DAPK1: variants seen among roughly 807,000 people sequenced by gnomAD.
DAPK1 encodes death-associated protein kinase 1.
In DAPK1, 56 loss-of-function variants were observed where a neutral mutation model predicts 144.9. The ratio of observed to expected loss-of-function variants is 0.39; its 90% CI spans 0.31 to 0.48. The LOEUF is 0.48. DAPK1 is among the 20% of genes least tolerant of loss of function. The pLI is 0.95. For synonymous variants in DAPK1, 690 were observed against 749.0 expected (o/e 0.92, Z 1.29); for missense variants, 1,454 against 1,875.4 (o/e 0.78, Z 4.15).
At chr9:87,645,527 G>A (rs759156778) in intron 11 of DAPK1, among the ~76,000 whole-genome samples, 1 of 152,182 alleles carries the variant, frequency 6.6e-6, no homozygotes, top group Non-Finnish European at 1.5e-5. Context: ...TATCCAGGAA[G>A]AGAGTCTGTG....
rs886144253 is a variant in DAPK1 at position 87,629,618 on chromosome 9, C to G, written c.285-8325C>G. On this transcript the variant is annotated intron_variant, in intron 3 of 25. Transcript: ENST00000408954. ...GTCTCAAACTTGGGGCCTCAAGCAA[C>G]CCCGCCTTGGCCTCCCGAAGTGTTG... 5.3e-5 allele frequency among the ~76,000 whole-genome samples: 8 copies of G among 152,104 alleles called. No homozygotes were observed. In the East Asian group the frequency reaches 1.5e-3, roughly 29 times the overall value.
In DAPK1 at chr9:87,564,796, TCTTAACACTGTTGCATTGGG is replaced by T. The variant is rs1415237862; in HGVS notation, c.63-40157_63-40138del. Among the ~76,000 whole-genome samples, 3 of 152,182 alleles carry T rather than the reference TCTTAACACTGTTGCATTGGG, an allele frequency of 2.0e-5. No individual in the cohort carries two copies. The East Asian group carries it at 5.8e-4, about 29-fold the overall frequency. ...CTAATCACCTCTTAACGGTCTCACC[TCTTAACACTGTTGCATTGGG>T]GATTAAATTTCTAACACATCAACTT... On this transcript the variant is annotated intron_variant, in intron 2 of 25. Coordinates refer to ENST00000408954, the MANE Select transcript of DAPK1 (RefSeq NM_004938.4).
At chr9:87,663,858 C>G (rs1291907568) in intron 18 of DAPK1, among the ~76,000 whole-genome samples, 1 of 152,144 alleles carries the variant, frequency 6.6e-6, no homozygotes, top group Non-Finnish European at 1.5e-5. Flanking sequence ...GTCTGTCACT[C>G]TGCCCAGGAT....
In DAPK1 at chr9:87,707,324, G is replaced by T. The variant is rs1269979523; in HGVS notation, c.4253G>T (p.Gly1418Val). The T allele has an allele frequency of 1.2e-6, 2 of 1,612,038 alleles. No homozygotes were observed. The highest frequency in any genetic ancestry group is 8.5e-7 in the Non-Finnish European group (1 of 1,178,744). The stretch of plus-strand genomic sequence containing the variant: ...GCCTATGCCTCGAGCTGCAACAGCG[G>T]CACCTCTTACAATTCCATTAGCTCT... The part of the protein sequence containing the change: ...QEAYASSCNS[G>V]TSYNSISSVV... The change falls in exon 26 of 26, where the codon GGC (glycine) becomes GTC (valine). Residue 1418 changes from glycine to valine, a missense_variant. Around this residue, in one of 2 missense-constraint regions of DAPK1, gnomAD observed 1,025 missense variants for 1,237.9 expected, o/e 0.83. Transcript: ENST00000408954. The surrounding 1 kb of genome is among the most constrained non-coding windows in gnomAD (Gnocchi z 4.0).
chr9:87,509,527 A>G (rs1157870496), intron 2 of DAPK1, among the ~76,000 whole-genome samples: 1 of 151,856 alleles, frequency 6.6e-6, no homozygotes, highest in Non-Finnish European at 1.5e-5. Flanking sequence ...CGCCCCGCTA[A>G]TTTTATATTT....
At chr9:87,643,288 C>A in intron 10 of DAPK1, 88 bp from the exon 11 acceptor site, 1 of 731,256 alleles carries the variant, frequency 1.4e-6, no homozygotes, top group Non-Finnish European at 2.2e-6. Flanking sequence ...ACTCATTTGA[C>A]AATTGTTACA....
At chr9:87,652,141 T>C (rs547861377) in intron 17 of DAPK1, among the ~76,000 whole-genome samples, 33 of 145,846 alleles carry the variant, frequency 2.3e-4, no homozygotes, top group African/African-American at 8.1e-4. Context: ...ATTCCCCCGA[T>C]CCTGGGTCCT....
intron 2 of DAPK1, among the ~76,000 whole-genome samples, chr9:87,544,622 T>C (rs974895815): frequency 2.4e-4 from 36 of 152,188 alleles, no homozygotes; most frequent in African/African-American, 8.2e-4. Flanking sequence ...TTTGTGATAT[T>C]TTTAGTGGCT....
intron 25 of DAPK1, among the ~76,000 whole-genome samples, chr9:87,703,715 A>G (rs923543293): frequency 1.3e-5 from 2 of 152,218 alleles, no homozygotes; most frequent in Admixed American, 6.5e-5. Context: ...CAGAGTAATC[A>G]TAATTAAAGA....
intron 18 of DAPK1, among the ~76,000 whole-genome samples, chr9:87,659,750 C>T (rs1035103963): frequency 5.9e-5 from 9 of 152,200 alleles, no homozygotes; most frequent in Non-Finnish European, 1.2e-4. Context: ...GCCCCTCCCA[C>T]GGTGCCCAGA....
At chr9:87,551,553 G>A (rs1253020034) in intron 2 of DAPK1, among the ~76,000 whole-genome samples, 1 of 152,188 alleles carries the variant, frequency 6.6e-6, no homozygotes, top group Non-Finnish European at 1.5e-5. Flanking sequence ...GTGGGGAGTT[G>A]GGGAGAAGGT....
At chr9:87,557,011 G>T (rs955250622) in intron 2 of DAPK1, among the ~76,000 whole-genome samples, 7 of 152,074 alleles carry the variant, frequency 4.6e-5, no homozygotes, top group African/African-American at 1.7e-4. Context: ...TTTCCCCTTG[G>T]CCTCTAGGGA....
At chr9:87,541,507 C>CCATTTT (rs1193581272) in intron 2 of DAPK1, among the ~76,000 whole-genome samples, 1 of 149,940 alleles carries the variant, frequency 6.7e-6, no homozygotes, top group Non-Finnish European at 1.5e-5. Context: ...GGAGATGGTG[C>CCATTTT]CATTCCACTC....
intron 3 of DAPK1, among the ~76,000 whole-genome samples, chr9:87,611,817 C>G (rs1587768496): frequency 6.6e-6 from 1 of 152,118 alleles, no homozygotes; most frequent in South Asian, 2.1e-4. Context: ...TTAACAGATT[C>G]CCGGGTGATG....
upstream of DAPK1, chr9:87,497,734 G>T: frequency 3.6e-6 from 1 of 276,866 alleles, no homozygotes; most frequent in East Asian, 6.5e-5. Context: ...CGAGCGCCGC[G>T]CAGAACCCGC....
intron 2 of DAPK1, among the ~76,000 whole-genome samples, chr9:87,566,272 C>T (rs1047307134): frequency 3.9e-5 from 6 of 152,104 alleles, no homozygotes; most frequent in African/African-American, 7.2e-5. Flanking sequence ...CCACCCGCCT[C>T]GGCCTCCCAA....
intron 21 of DAPK1, among the ~76,000 whole-genome samples, chr9:87,689,810 C>T (rs1207268661): frequency 2.0e-5 from 3 of 151,996 alleles, no homozygotes; most frequent in Non-Finnish European, 4.4e-5. Flanking sequence ...AGTTATTTGG[C>T]TATGAATACC....
chr9:87,540,748 C>T (rs895975947), intron 2 of DAPK1, among the ~76,000 whole-genome samples: 4 of 152,110 alleles, frequency 2.6e-5, no homozygotes, highest in African/African-American at 9.7e-5. Flanking sequence ...TAAATAATTC[C>T]ATTATTATAT....
intron 2 of DAPK1, among the ~76,000 whole-genome samples, chr9:87,499,749 C>G (rs991134803): frequency 1.3e-5 from 2 of 152,178 alleles, no homozygotes; most frequent in Non-Finnish European, 2.9e-5. Context: ...ATATGGCTAT[C>G]TGGATTCAGA....
Sources: allele counts gnomAD v4.1 joint callset (sites outside exome capture counted in the v4.1 genomes callset), GRCh38; gene constraint gnomAD v4.1.1; regional missense constraint gnomAD v4.1.1; non-coding constraint Gnocchi (gnomAD v3.1); transcripts MANE v1.5; gene names NCBI Gene and HGNC (gene_info 2026-07-23, HGNC 2026-07-21).